The following BDKRB2 variants were observed in gnomAD, a reference collection of about 807,000 sequenced individuals.
The protein encoded by BDKRB2 is bradykinin receptor B2, also known as B2 bradykinin receptor.
BDKRB2 carries 6 observed loss-of-function variants against 4.0 expected under a neutral mutation model. That is an observed-to-expected ratio of 1.49 (90% CI 0.81 to 2.93). The LOEUF (loss-of-function observed/expected upper bound fraction) is 2.93, where lower values mean the gene tolerates loss of function less well. Ranked by LOEUF, BDKRB2 falls within the 30% of genes most tolerant of loss-of-function variation. The pLI is 0.00. For synonymous variants in BDKRB2, 225 were observed against 215.3 expected, an observed-to-expected ratio of 1.05 and a Z score of -0.40; for missense variants, 478 against 520.1, an observed-to-expected ratio of 0.92 and a Z score of 0.79.
At chr14:96,214,281 G>A (rs1025963133) in intron 1 of BDKRB2, among the ~76,000 whole-genome samples, 2 of 152,194 alleles carry the variant, frequency 1.3e-5, no homozygotes, top group Admixed American at 1.3e-4. Context: ...TGTGGCTGAG[G>A]GGGTGGAGGT....
chr14:96,226,263 G>A (rs1216589149), intron 1 of BDKRB2, among the ~76,000 whole-genome samples: 2 of 152,142 alleles, frequency 1.3e-5, no homozygotes, highest in Non-Finnish European at 2.9e-5. Flanking sequence ...CCTCTGCCTC[G>A]GCCTGGGGTA....
At chr14:96,221,959 A>T (rs1369460371) in intron 1 of BDKRB2, among the ~76,000 whole-genome samples, 1 of 152,064 alleles carries the variant, frequency 6.6e-6, no homozygotes. Context: ...TTCTGACATT[A>T]TCTGCCCGGA....
chr14:96,219,478 G>A (rs1257642631), intron 1 of BDKRB2, among the ~76,000 whole-genome samples: 1 of 151,820 alleles, frequency 6.6e-6, no homozygotes, highest in African/African-American at 2.4e-5. Flanking sequence ...GGGGACTTCT[G>A]GACAAGGGTG....
chr14:96,206,705 G>C (rs895985720), intron 1 of BDKRB2, among the ~76,000 whole-genome samples: 6 of 152,162 alleles, frequency 3.9e-5, no homozygotes, highest in Non-Finnish European at 8.8e-5. Flanking sequence ...ACATTAGGGC[G>C]GCCTCCTCAC....
intron 1 of BDKRB2, among the ~76,000 whole-genome samples, chr14:96,213,789 C>A (rs145043392): frequency 1.3e-5 from 2 of 152,080 alleles, no homozygotes; most frequent in South Asian, 2.1e-4. Context: ...GTATCCCCCC[C>A]GACAAACCTG....
At chr14:96,224,216 A>G (rs1890642787) in intron 1 of BDKRB2, among the ~76,000 whole-genome samples, 1 of 152,316 alleles carries the variant, frequency 6.6e-6, no homozygotes, top group East Asian at 1.9e-4. Flanking sequence ...TGGGTGAAGT[A>G]TGTGGAGTTT....
At chr14:96,238,405 G>A (rs1890987641) in intron 2 of BDKRB2, 3 of 956,786 alleles carry the variant, frequency 3.1e-6, no homozygotes, top group Non-Finnish European at 3.7e-6. Flanking sequence ...AGGAGAAGAG[G>A]AAGCAGATTC....
chr14:96,233,187 C>T (rs1168279462), intron 1 of BDKRB2, among the ~76,000 whole-genome samples: 2 of 152,180 alleles, frequency 1.3e-5, no homozygotes, highest in African/African-American at 2.4e-5. Context: ...TGTGTGCCAC[C>T]ACGCTCACCT....
At chr14:96,209,997 A>G (rs1566687022) in intron 1 of BDKRB2, among the ~76,000 whole-genome samples, 1 of 144,510 alleles carries the variant, frequency 6.9e-6, no homozygotes, top group East Asian at 2.0e-4. Flanking sequence ...CTCTATCTCA[A>G]AATAATAATA....
In BDKRB2 at chr14:96,241,238, T is replaced by G. The variant is rs771091903; in HGVS notation, c.910T>G (p.Cys304Gly). 5.0e-6 allele frequency: 8 copies of G among 1,612,820 alleles called. No individual in the cohort carries two copies. The highest frequency in any genetic ancestry group is 6.8e-6 in the Non-Finnish European group (8 of 1,179,056). Reference sequence around the variant, plus strand: ...GCATCGCCTCGGCATCCTCTCCAGCTGCCAGGACGAGCGCATCATCGATGT... The same window carrying G: ...GCATCGCCTCGGCATCCTCTCCAGCGGCCAGGACGAGCGCATCATCGATGT... ...TLHRLGILSS[C>G]QDERIIDVIT... The change falls in exon 3 of 3, where the codon TGC (cysteine) becomes GGC (glycine). Residue 304 changes from cysteine to glycine, a missense_variant. Transcript: ENST00000554311.
At chr14:96,237,804 G>A (rs768162314) in intron 2 of BDKRB2, 2 of 1,289,828 alleles carry the variant, frequency 1.6e-6, no homozygotes, top group Non-Finnish European at 2.0e-6. Context: ...GCACTCAGCA[G>A]GCATCTTTCT....
At chr14:96,238,349 C>A in intron 2 of BDKRB2, 1 of 649,596 alleles carries the variant, frequency 1.5e-6, no homozygotes, top group Non-Finnish European at 1.9e-6. Flanking sequence ...CCTCAGAAAT[C>A]ACACACCATC....
At chr14:96,221,166 A>G (rs1236856534) in intron 1 of BDKRB2, among the ~76,000 whole-genome samples, 1 of 152,082 alleles carries the variant, frequency 6.6e-6, no homozygotes, top group Non-Finnish European at 1.5e-5. Context: ...CTGCATCTAA[A>G]ATAGGTGTGG....
At chr14:96,226,462 T>C (rs1388454664) in intron 1 of BDKRB2, among the ~76,000 whole-genome samples, 2 of 152,164 alleles carry the variant, frequency 1.3e-5, no homozygotes, top group African/African-American at 4.8e-5. Flanking sequence ...GAGACCAGCC[T>C]GACCAACATG....
intron 1 of BDKRB2, among the ~76,000 whole-genome samples, chr14:96,213,075 A>G (rs950078694): frequency 1.2e-4 from 19 of 152,168 alleles, no homozygotes; most frequent in Admixed American, 9.2e-4. Context: ...TACTAGGCCA[A>G]TTACTTGCTG....
At position 96,209,425 on chromosome 14, in the gene BDKRB2, G is replaced by A. The variant is rs183399931; in HGVS notation, c.-40+4466G>A. 5.5e-4 allele frequency among the ~76,000 whole-genome samples: 84 copies of A among 152,256 alleles called. 1 individual carries two copies. Among genetic ancestry groups the A allele is most frequent in the Non-Finnish European group, 8.4e-4 (57 of 68,018 alleles). ...AGTTTATTTTGCCAAGATTAAGGAT[G>A]CACCCAGGAAAGAGGGACACGAAAT... On this transcript the variant is annotated intron_variant, in intron 1 of 2. Transcript: ENST00000554311.
At chr14:96,206,701 G>T (rs947493123) in intron 1 of BDKRB2, among the ~76,000 whole-genome samples, 2 of 152,168 alleles carry the variant, frequency 1.3e-5, no homozygotes, top group Non-Finnish European at 2.9e-5. Context: ...GGTAACATTA[G>T]GGCGGCCTCC....
At position 96,241,664 on chromosome 14, in the gene BDKRB2, T is replaced by C; in HGVS notation, c.*160T>C. On this transcript the variant is annotated 3_prime_UTR_variant, in exon 3 of 3. Transcript: ENST00000554311. The stretch of plus-strand genomic sequence containing the variant: ...GGAGACTAATTCCTGCCCTGCCCAA[T>C]TTTGCAGGGAGCATGGCTGTGAGGA... The C allele has an allele frequency of 7.9e-7, 1 of 1,271,532 alleles. No homozygotes were observed. Among genetic ancestry groups the C allele is most frequent in the African/African-American group, 1.5e-5 (1 of 66,856 alleles). The allele number at this position is 1,271,532 out of a possible 1,614,324, so 78.8% of individuals were successfully genotyped here.
chr14:96,207,726 T>A (rs1890222074), intron 1 of BDKRB2, among the ~76,000 whole-genome samples: 1 of 151,784 alleles, frequency 6.6e-6, no homozygotes, highest in African/African-American at 2.4e-5. Context: ...ATATGGTAAG[T>A]CTCCGTACTT....
Sources: allele counts gnomAD v4.1 joint callset (sites outside exome capture counted in the v4.1 genomes callset), GRCh38; gene constraint gnomAD v4.1.1; transcripts MANE v1.5; gene names NCBI Gene and HGNC (gene_info 2026-07-23, HGNC 2026-07-21).